Variants in GREB1L observed in about 807,000 individuals in gnomAD.
The protein encoded by GREB1L is GREB1-like protein.
Under a neutral mutation model 200.8 loss-of-function variants are expected in GREB1L, and 17 were observed. The observed-to-expected ratio is 0.08, with a 90% confidence interval of 0.06 to 0.13. The LOEUF (loss-of-function observed/expected upper bound fraction) is 0.13, where lower values mean the gene tolerates loss of function less well. GREB1L is among the 10% of genes least tolerant of loss of function. GREB1L has a pLI of 1.00. For synonymous variants in GREB1L, 789 were observed against 893.0 expected, an observed-to-expected ratio of 0.88 and a Z score of 2.08; for missense variants, 1,657 against 2,367.7, an observed-to-expected ratio of 0.70 and a Z score of 6.23.
At chr18:21,373,418 C>T (rs1259614382) in intron 2 of GREB1L, among the ~76,000 whole-genome samples, 1 of 152,182 alleles carries the variant, frequency 6.6e-6, no homozygotes, top group Non-Finnish European at 1.5e-5. Context: ...ACTGCAACCT[C>T]CGCGTCCCAG....
rs1489703899 is a variant in GREB1L at position 21,383,575 on chromosome 18, C to T, written c.57C>T (p.His19=). ...LKSARFEEAL[H]NSIEASLRCS... ...CTGCTCGATTTGAGGAAGCTCTCCA[C>T]AACTCCATAGAAGCCTCCCTCAGAT... Residue 19 remains histidine (H), a synonymous_variant, in exon 3 of 33, where the codon CAC becomes CAT. Coordinates refer to ENST00000424526, the MANE Select transcript of GREB1L (RefSeq NM_001142966.3). The T allele has an allele frequency of 1.3e-6, 2 of 1,550,302 alleles. No individual in the cohort carries two copies. The highest frequency in any genetic ancestry group is 4.9e-5 in the East Asian group (2 of 40,810).
chr18:21,485,493 CAG>C (rs1289916273), intron 17 of GREB1L, 125 bp from the exon 18 acceptor site: 11 of 744,196 alleles, frequency 1.5e-5, no homozygotes, highest in Non-Finnish European at 2.1e-5. Context: ...CATAATGAAA[CAG>C]TATTTTTTCT....
intron 1 of GREB1L, among the ~76,000 whole-genome samples, chr18:21,336,381 T>C (rs1331236466): frequency 2.6e-5 from 4 of 152,224 alleles, no homozygotes; most frequent in Non-Finnish European, 5.9e-5. Context: ...GGTGTCTCCC[T>C]TCCTTCCGTG....
chr18:21,516,751 C>T lies in GREB1L; in HGVS notation c.5268C>T (p.Ile1756=). ...GGGACTTTATCATTAAACCAAAGAT[C>T]ATGGTGAGTACCGCAAGCTTGATTC... ...GQRDFIIKPK[I]MVSESLAPIL... Residue 1756 remains isoleucine (I), a synonymous_variant, in exon 30 of 33, where the codon ATC becomes ATT. Transcript: ENST00000424526. 1 of 1,551,292 alleles carries T rather than the reference C, an allele frequency of 6.4e-7. No individual in the cohort carries two copies. Among genetic ancestry groups the T allele is most frequent in the Non-Finnish European group, 8.7e-7 (1 of 1,146,752 alleles).
chr18:21,381,415 G>GA (rs923221809), intron 2 of GREB1L, among the ~76,000 whole-genome samples: 1,598 of 95,162 alleles, frequency 0.017, 20 homozygotes, highest in African/African-American at 0.052. Context: ...CTCAAAAAAA[G>GA]AAAAAAAAAA....
At chr18:21,481,902 C>CTA (rs1429468191) in intron 17 of GREB1L, among the ~76,000 whole-genome samples, 1 of 152,158 alleles carries the variant, frequency 6.6e-6, no homozygotes, top group Non-Finnish European at 1.5e-5. Context: ...CATAGTACTG[C>CTA]TGTAACATCC....
At chr18:21,341,665 A>C (rs2039272154) in intron 1 of GREB1L, among the ~76,000 whole-genome samples, 1 of 152,126 alleles carries the variant, frequency 6.6e-6, no homozygotes, top group Non-Finnish European at 1.5e-5. Flanking sequence ...GAGCCACCAC[A>C]CCTGGCTACT....
chr18:21,374,087 C>T (rs1166784788), intron 2 of GREB1L, among the ~76,000 whole-genome samples: 4 of 152,016 alleles, frequency 2.6e-5, no homozygotes, highest in Non-Finnish European at 5.9e-5. Context: ...CTGCAGCCTC[C>T]ACCTCTCAGG....
intron 14 of GREB1L, chr18:21,452,467 C>G: frequency 2.5e-6 from 1 of 405,622 alleles, no homozygotes; most frequent in Non-Finnish European, 4.3e-6. Flanking sequence ...AGCACTCTCT[C>G]TTTTTTCTCT....
intron 2 of GREB1L, among the ~76,000 whole-genome samples, chr18:21,371,583 C>T (rs375601433): frequency 2.0e-4 from 30 of 151,148 alleles, no homozygotes; most frequent in African/African-American, 5.1e-4. Context: ...ATCAGGAGAT[C>T]GAGACCATCC....
chr18:21,497,821 C>CCCTT (rs1555659432), intron 21 of GREB1L, among the ~76,000 whole-genome samples: 3 of 80,956 alleles, frequency 3.7e-5, no homozygotes, highest in African/African-American at 7.5e-5. Flanking sequence ...ACCCCCCCCC[C>CCCTT]TTTTTTTTTT....
At chr18:21,420,535 G>T (rs2032067216) in intron 7 of GREB1L, among the ~76,000 whole-genome samples, 1 of 152,172 alleles carries the variant, frequency 6.6e-6, no homozygotes, top group South Asian at 2.1e-4. Flanking sequence ...GTTAAGCACT[G>T]TGAAAAGATA....
chr18:21,260,052 C>T (rs2037865263), intron 1 of GREB1L, among the ~76,000 whole-genome samples: 1 of 151,848 alleles, frequency 6.6e-6, no homozygotes, highest in African/African-American at 2.4e-5. Context: ...GACCTTCAGA[C>T]TATGTTTAAA....
chr18:21,508,761 TTTTC>T, intron 27 of GREB1L, 170 bp downstream of exon 27: 1 of 639,002 alleles, frequency 1.6e-6, no homozygotes, highest in Non-Finnish European at 2.7e-6. Flanking sequence ...TGAATTTGAG[TTTTC>T]TTTTTCCCTT....
intron 18 of GREB1L, 128 bp from the exon 19 acceptor site, chr18:21,489,884 C>T: frequency 1.5e-6 from 1 of 676,212 alleles, no homozygotes; most frequent in Non-Finnish European, 2.5e-6. Context: ...CATTCTAGAA[C>T]TAAAGCCCCA....
chr18:21,472,180 T>TA lies in GREB1L; in HGVS notation c.2183-849dup, dbSNP rs1260596839. On this transcript the variant is annotated intron_variant, in intron 15 of 32. Coordinates refer to ENST00000424526, the MANE Select transcript of GREB1L (RefSeq NM_001142966.3). ...TGTTAGTATTACAGATTCTAGATGC[T>TA]AATTGCATGTAATTGTTCACTGAGC... is the stretch of plus-strand genomic sequence containing the variant. Among the ~76,000 whole-genome samples the TA allele has an allele frequency of 4.6e-5, 7 of 152,214 alleles. No homozygotes were observed. The East Asian group carries it at 7.7e-4, about 17-fold the overall frequency.
At position 21,247,055 on chromosome 18, in the gene GREB1L, A is replaced by C. The variant is rs570423968; in HGVS notation, c.-120+4662A>C. ...TCCCTGATATTTTTGGCAAATATAC[A>C]CCCAACATGGATAACAGCAGCTCTT... On this transcript the variant is annotated intron_variant, in intron 1 of 32. Coordinates refer to ENST00000424526, the MANE Select transcript of GREB1L (RefSeq NM_001142966.3). Among the ~76,000 whole-genome samples, 18 of 152,290 alleles carry C rather than the reference A, an allele frequency of 1.2e-4. No homozygotes were observed. The East Asian group carries it at 2.5e-3, about 21-fold the overall frequency.
Position 21,523,362 on chromosome 18 carries a change from T to C in GREB1L, c.*541T>C, listed in dbSNP as rs1422619966. The C allele has an allele frequency of 1.3e-5, 2 of 152,390 alleles. No homozygotes were observed. The highest frequency in any genetic ancestry group is 2.1e-4 in the South Asian group (1 of 4,832). 9.4% of individuals were successfully genotyped at this position (152,390 alleles called of 1,614,324 possible). On this transcript the variant is annotated 3_prime_UTR_variant, in exon 33 of 33. Transcript: ENST00000424526. Reference sequence around the variant, plus strand: ...AAAAAAAGAAGTAGCTTTGTCTTTCTCTGTGCAGTGTTAGTTTAAGATTTA... The same window carrying C: ...AAAAAAAGAAGTAGCTTTGTCTTTCCCTGTGCAGTGTTAGTTTAAGATTTA...
chr18:21,263,056 C>T (rs1375349616), intron 1 of GREB1L, among the ~76,000 whole-genome samples: 1 of 152,132 alleles, frequency 6.6e-6, no homozygotes, highest in African/African-American at 2.4e-5. Context: ...AGATTATTAC[C>T]TGGTGACTGA....
Sources: allele counts gnomAD v4.1 joint callset (sites outside exome capture counted in the v4.1 genomes callset), GRCh38; gene constraint gnomAD v4.1.1; transcripts MANE v1.5; gene names NCBI Gene and HGNC (gene_info 2026-07-23, HGNC 2026-07-21).